Variants in GPHN observed in about 807,000 individuals in gnomAD.
The protein encoded by GPHN is gephyrin.
In GPHN, 17 loss-of-function variants were observed where a neutral mutation model predicts 95.5. That is an observed-to-expected ratio of 0.18 (90% CI 0.12 to 0.27). The LOEUF (loss-of-function observed/expected upper bound fraction) is 0.27. GPHN is among the 10% of genes least tolerant of loss of function. The pLI is 1.00. For synonymous variants in GPHN, 320 were observed against 322.5 expected, an observed-to-expected ratio of 0.99 and a Z score of 0.08; for missense variants, 660 against 978.1, an observed-to-expected ratio of 0.67 and a Z score of 4.34.
At chr14:66,877,937 A>G (rs920596141) in intron 4 of GPHN, among the ~76,000 whole-genome samples, 1 of 152,226 alleles carries the variant, frequency 6.6e-6, no homozygotes, top group African/African-American at 2.4e-5. Flanking sequence ...AGCAAAAAGA[A>G]CAAAGCTGGA....
At chr14:67,695,850 A>T in the GPHN span, 1 of 692,884 alleles carries the variant, frequency 1.4e-6, no homozygotes, top group South Asian at 1.9e-5. Context: ...TGACAGCCTC[A>T]GGCTGGCTAC....
At chr14:67,317,452 G>A in the GPHN span, 1 of 1,611,380 alleles carries the variant, frequency 6.2e-7, no homozygotes, top group Non-Finnish European at 8.5e-7. Flanking sequence ...GAGGAAAAAG[G>A]TTTTATATAA....
At chr14:66,971,191 G>A (rs577103326) in intron 9 of GPHN, among the ~76,000 whole-genome samples, 5 of 152,174 alleles carry the variant, frequency 3.3e-5, no homozygotes, top group East Asian at 1.9e-4. Flanking sequence ...AGCCAGGCGC[G>A]TTGGCACATG....
chr14:66,809,959 T>C (rs2060694529), intron 3 of GPHN, among the ~76,000 whole-genome samples: 1 of 152,000 alleles, frequency 6.6e-6, no homozygotes. Flanking sequence ...AATCAGAACA[T>C]TCTGATCTGG....
At chr14:67,467,120 C>G in the GPHN span, 1 of 152,096 alleles carries the variant, frequency 6.6e-6, no homozygotes, top group Non-Finnish European at 1.5e-5. Flanking sequence ...CCGTAGACAG[C>G]CAGGGTCCTC....
chr14:67,243,864 T>C, the GPHN span, among the ~76,000 whole-genome samples: 1 of 152,212 alleles, frequency 6.6e-6, no homozygotes, highest in Non-Finnish European at 1.5e-5. Context: ...TTAGTGGTTA[T>C]ATAGTCTAAC....
the GPHN span, among the ~76,000 whole-genome samples, chr14:67,557,931 A>AGTCGT: frequency 6.6e-6 from 1 of 152,342 alleles, no homozygotes. Flanking sequence ...CTGGATGGTC[A>AGTCGT]GTCGTGGCCA....
intron 8 of GPHN, among the ~76,000 whole-genome samples, chr14:66,955,749 C>G (rs1477899396): frequency 1.3e-5 from 2 of 152,110 alleles, no homozygotes; most frequent in Non-Finnish European, 2.9e-5. Context: ...GTTCCCCTTC[C>G]TGTGTCCAAG....
chr14:67,208,070 C>T, the GPHN span: 1 of 1,342,988 alleles, frequency 7.4e-7, no homozygotes, highest in African/African-American at 1.5e-5. Flanking sequence ...AGCCTCACTC[C>T]CTCCTTACTA....
the GPHN span, among the ~76,000 whole-genome samples, chr14:67,328,356 A>G: frequency 6.6e-6 from 1 of 152,016 alleles, no homozygotes; most frequent in African/African-American, 2.4e-5. Flanking sequence ...AAATTTGTTT[A>G]AGTTCTTTGT....
At chr14:67,117,765 C>G (rs1040139282) in intron 16 of GPHN, among the ~76,000 whole-genome samples, 3 of 152,066 alleles carry the variant, frequency 2.0e-5, no homozygotes, top group African/African-American at 7.2e-5. Flanking sequence ...AACCTTATAA[C>G]AAAAACAATA....
At chr14:67,219,378 C>T in the GPHN span, among the ~76,000 whole-genome samples, 1 of 152,192 alleles carries the variant, frequency 6.6e-6, no homozygotes, top group Non-Finnish European at 1.5e-5. Context: ...TCCATCACCA[C>T]AGACATGTCT....
chr14:66,990,740 T>C (rs1300123878), intron 9 of GPHN, among the ~76,000 whole-genome samples: 1 of 152,064 alleles, frequency 6.6e-6, no homozygotes, highest in East Asian at 1.9e-4. Flanking sequence ...TAATATTTTA[T>C]TTAATAGTTA....
intron 1 of GPHN, among the ~76,000 whole-genome samples, chr14:66,674,142 A>T (rs1262266961): frequency 6.8e-6 from 1 of 146,614 alleles, no homozygotes; most frequent in Non-Finnish European, 1.5e-5. Flanking sequence ...TCTGTCCCCC[A>T]GGCTGGAGTG....
chr14:67,702,463 G>A, the GPHN span, among the ~76,000 whole-genome samples: 1,747 of 152,106 alleles, frequency 0.011, 25 homozygotes, highest in African/African-American at 0.04. Flanking sequence ...AGATTATTTT[G>A]GTTTTGGCTG....
At chr14:66,541,917 TA>T (rs2059368185) in intron 1 of GPHN, among the ~76,000 whole-genome samples, 2 of 152,248 alleles carry the variant, frequency 1.3e-5, no homozygotes, top group Admixed American at 1.3e-4. Context: ...TTGGGCAACT[TA>T]ATTAAGTCTT....
the GPHN span, chr14:67,561,993 C>G: frequency 6.2e-7 from 1 of 1,613,800 alleles, no homozygotes; most frequent in African/African-American, 1.3e-5. Context: ...CCATAATCAG[C>G]GCCTGGTGGA....
rs145342376 is a variant in GPHN, at chr14:66,794,116, C to A, written c.201+17595C>A. ...AAAATATATATTATGCTGATATAGT[C>A]TGGATCTGTGTCCACACCCAACTCT... On this transcript the variant is annotated intron_variant, in intron 3 of 22. Transcript: ENST00000478722. Among the ~76,000 whole-genome samples, 380 of 152,176 alleles carry A rather than the reference C, an allele frequency of 2.5e-3. 9 individuals carry two copies. The highest frequency in any genetic ancestry group is 0.018 in the East Asian group (91 of 5,182).
chr14:67,643,146 A>C, the GPHN span, among the ~76,000 whole-genome samples: 1 of 152,200 alleles, frequency 6.6e-6, no homozygotes, highest in East Asian at 1.9e-4. Context: ...CTAGTGACTC[A>C]TGCAATCAGT....
Sources: gnomAD v4.1 joint callset for allele counts (sites outside exome capture counted in the v4.1 genomes callset) on GRCh38, gnomAD v4.1.1 for gene constraint, MANE v1.5 for transcripts, NCBI Gene and HGNC (gene_info 2026-07-23, HGNC 2026-07-21) for gene names.